ACSF3: variants seen among roughly 807,000 people sequenced by gnomAD.
The protein encoded by ACSF3 is acyl-CoA synthetase family member 3.
In ACSF3, 78 loss-of-function variants were observed where a neutral mutation model predicts 53.2. The ratio of observed to expected loss-of-function variants is 1.47; its 90% confidence interval spans 1.22 to 1.77. ACSF3 has a LOEUF of 1.77. ACSF3 is among the 40% of genes most tolerant of loss of function. The pLI is 0.00. For synonymous variants in ACSF3, 414 were observed against 333.1 expected (o/e 1.24, Z -2.65); for missense variants, 937 against 771.1 (o/e 1.22, Z -2.55).
intron 2 of ACSF3, among the ~76,000 whole-genome samples, chr16:89,099,148 G>A (rs899910712): frequency 6.6e-6 from 1 of 152,236 alleles, no homozygotes; most frequent in Non-Finnish European, 1.5e-5. Context: ...CCTTCTTCTC[G>A]CTCTGGAATG....
At position 89,102,718 on chromosome 16, in the gene ACSF3, G is replaced by T. The variant is rs746877433; in HGVS notation, c.781G>T (p.Gly261Ter). The change falls in exon 4 of 11, where the codon GGA (glycine) becomes TGA (stop). Residue 261 changes from glycine to a stop codon, truncating the protein, a stop_gained. Coordinates refer to ENST00000614302, the MANE Select transcript of ACSF3 (RefSeq NM_001243279.3). LOFTEE classifies it high-confidence loss of function. ...CGCGCTGCTCTGTCCTCTCTGGGTG[G>T]GAGCCACCTGTGTGATGATGCCTGA... ...VNALLCPLWV[G>*]ATCVMMPEFS... 75 of 1,613,136 alleles carry T rather than the reference G, an allele frequency of 4.6e-5. 1 individual carries two copies. The highest frequency in any genetic ancestry group is 6.3e-5 in the Non-Finnish European group (74 of 1,180,024).
chr16:89,131,098 G>T (rs1909182733), intron 7 of ACSF3, among the ~76,000 whole-genome samples: 3 of 141,238 alleles, frequency 2.1e-5, no homozygotes, highest in South Asian at 2.3e-4. Flanking sequence ...CCAAGTGTTT[G>T]CCCTTTCTTT....
intron 8 of ACSF3, chr16:89,141,287 C>T (rs760342666): frequency 2.3e-6 from 3 of 1,287,084 alleles, no homozygotes; most frequent in East Asian, 5.5e-5. Flanking sequence ...GTGAGGCGGG[C>T]GCTGAGTAGT....
intron 10 of ACSF3, chr16:89,149,116 A>G (rs564072820): frequency 6.6e-5 from 10 of 152,200 alleles, no homozygotes; most frequent in Admixed American, 2.6e-4. Flanking sequence ...CCAGTTCCCA[A>G]TAAGTTCCTC....
intron 4 of ACSF3, among the ~76,000 whole-genome samples, chr16:89,108,955 G>A (rs192103694): frequency 1.4e-4 from 22 of 152,172 alleles, no homozygotes; most frequent in African/African-American, 3.4e-4. Context: ...CAAACTGGCC[G>A]GGCACGGTGG....
Position 89,111,651 on chromosome 16 carries a change from A to G in ACSF3, c.823-441A>G, listed in dbSNP as rs535907115. Among the ~76,000 whole-genome samples the G allele has an allele frequency of 1.4e-4, 22 of 152,388 alleles. No homozygotes were observed. In the South Asian group the frequency reaches 3.3e-3, roughly 23 times the overall value. On this transcript the variant is annotated intron_variant, in intron 4 of 10. Transcript: ENST00000614302. The stretch of plus-strand genomic sequence containing the variant: ...AAGCAAGAAATGTTTATTATGGAGT[A>G]AAATATAAAATTCACATGACTCTTT...
chr16:89,123,172 G>A (rs999872166), intron 7 of ACSF3, among the ~76,000 whole-genome samples: 2 of 152,178 alleles, frequency 1.3e-5, no homozygotes, highest in Non-Finnish European at 2.9e-5. Context: ...CTCCACCAGG[G>A]GCCAAGACCC....
At chr16:89,139,523 C>T (rs1301738228) in intron 8 of ACSF3, among the ~76,000 whole-genome samples, 1 of 151,750 alleles carries the variant, frequency 6.6e-6, no homozygotes, top group Non-Finnish European at 1.5e-5. Flanking sequence ...ATTTTCTGGC[C>T]TTCAGATTTG....
At chr16:89,119,484 T>A (rs1306797148) in intron 6 of ACSF3, among the ~76,000 whole-genome samples, 2 of 152,194 alleles carry the variant, frequency 1.3e-5, no homozygotes, top group African/African-American at 4.8e-5. Flanking sequence ...CTGTGCAATG[T>A]GTGTGCGGAA....
At position 89,102,628 on chromosome 16, in the gene ACSF3, G is replaced by T. The variant is rs765454020; in HGVS notation, c.691G>T (p.Ala231Ser). 1 of 1,613,836 alleles carries T rather than the reference G, an allele frequency of 6.2e-7. No homozygotes were observed. Residue 231 changes from alanine to serine, a missense_variant, in exon 4 of 11, where the codon GCA (alanine) becomes TCA (serine). By Grantham distance (99) the Ala-to-Ser change is moderately conservative. Coordinates refer to ENST00000614302, the MANE Select transcript of ACSF3 (RefSeq NM_001243279.3). Reference protein sequence around the residue: ...AVVTGLVHKWAWTKDDVILHV... With the variant: ...AVVTGLVHKWSWTKDDVILHV... ...GGTGACCGGGCTGGTCCACAAGTGG[G>T]CATGGACCAAAGACGACGTGATCCT...
chr16:89,155,417 G>C lies in ACSF3; in HGVS notation c.*1210G>C. ...CATGCCTCGCGGACAGTTGGACGTG[G>C]CCTGGGGCCCCTGCTCACTTGAGCA... On this transcript the variant is annotated 3_prime_UTR_variant, in exon 11 of 11. Coordinates refer to ENST00000614302, the MANE Select transcript of ACSF3 (RefSeq NM_001243279.3). 2.2e-6 allele frequency: 1 copy of C among 454,112 alleles called. No homozygotes were observed. The highest frequency in any genetic ancestry group is 1.6e-5 in the South Asian group (1 of 64,476). 28.1% of individuals were successfully genotyped at this position (454,112 alleles called of 1,614,324 possible).
rs1167062632 is a variant in ACSF3 at position 89,154,153 on chromosome 16, C to G, written c.1677C>G (p.Asn559Lys). The change falls in exon 11 of 11, where the codon AAC becomes AAG. Residue 559 changes from asparagine to lysine, a missense_variant. Asn to Lys is a moderately conservative substitution (Grantham distance 94). Transcript: ENST00000614302. ...ELVLVEEIPR[N>K]QMGKIDKKAL... is the part of the protein sequence containing the mutation. ...TGCTGGTGGAGGAGATCCCGCGGAA[C>G]CAGATGGGCAAGATTGACAAGAAGG... The G allele has an allele frequency of 1.2e-6, 2 of 1,613,590 alleles. No individual in the cohort carries two copies. Among genetic ancestry groups the G allele is most frequent in the Admixed American group, 1.7e-5 (1 of 59,950 alleles).
In ACSF3 at chr16:89,131,105, CTTTCTT is replaced by C. The variant is rs1309197137; in HGVS notation, c.1240-2009_1240-2004del. On this transcript the variant is annotated intron_variant, in intron 7 of 10. Coordinates refer to ENST00000614302, the MANE Select transcript of ACSF3 (RefSeq NM_001243279.3). ...ATTTATTTCCAAGTGTTTGCCCTTT[CTTTCTT>C]TTTCTTTTTCTTTTTCTTTTTTTTT... is the stretch of plus-strand genomic sequence containing the variant. 8.7e-3 allele frequency among the ~76,000 whole-genome samples: 1,057 copies of C among 121,298 alleles called. 21 individuals are homozygous for C. Among genetic ancestry groups the C allele is most frequent in the East Asian group, 0.02 (80 of 4,058 alleles). 79.6% of individuals were successfully genotyped at this position (121,298 alleles called of 152,430 possible).
chr16:89,096,999 C>G (rs952495690), intron 1 of ACSF3, among the ~76,000 whole-genome samples: 1 of 150,278 alleles, frequency 6.7e-6, no homozygotes, highest in Admixed American at 6.6e-5. Flanking sequence ...TTTGCCCAGC[C>G]CAGCTGTGCA....
chr16:89,104,820 C>G (rs12446046), intron 4 of ACSF3, among the ~76,000 whole-genome samples: 106,081 of 152,206 alleles, frequency 0.7, 37,702 homozygotes, highest in Admixed American at 0.77. Context: ...CCACTGGAGG[C>G]AAGGTCTCAC....
intron 1 of ACSF3, among the ~76,000 whole-genome samples, chr16:89,094,236 G>A (rs1457638502): frequency 6.6e-6 from 1 of 152,134 alleles, no homozygotes; most frequent in African/African-American, 2.4e-5. Flanking sequence ...CTGTGCGGAC[G>A]CCGGGCCCGG....
At chr16:89,114,829 C>T (rs1904805903) in intron 6 of ACSF3, 2 of 385,400 alleles carry the variant, frequency 5.2e-6, no homozygotes, top group Non-Finnish European at 1.0e-5. Flanking sequence ...TGGCTCCAGA[C>T]CACATCAGCA....
At position 89,101,265 on chromosome 16, in the gene ACSF3, A is replaced by G. The variant is rs796051921; in HGVS notation, c.584A>G (p.Lys195Arg). ...GTCCCAGAGCAGGGATGGAGGAACAAGGGCGCCATGATCATCTACACCAGT... is the reference window on the plus strand; with the variant it reads ...GTCCCAGAGCAGGGATGGAGGAACAGGGGCGCCATGATCATCTACACCAGT... ...VPVPEQGWRN[K>R]GAMIIYTSGT... Residue 195 changes from lysine (K) to arginine (R), a missense_variant, in exon 3 of 11, where the codon AAG (lysine) becomes AGG (arginine). Lys to Arg is a conservative substitution (Grantham distance 26). Coordinates refer to ENST00000614302, the MANE Select transcript of ACSF3 (RefSeq NM_001243279.3). 3.7e-6 allele frequency: 6 copies of G among 1,601,462 alleles called. No individual in the cohort carries two copies. Among genetic ancestry groups the G allele is most frequent in the Non-Finnish European group, 5.1e-6 (6 of 1,174,526 alleles).
intron 8 of ACSF3, among the ~76,000 whole-genome samples, chr16:89,139,103 G>A (rs1597216965): frequency 6.6e-6 from 1 of 152,196 alleles, no homozygotes; most frequent in African/African-American, 2.4e-5. Context: ...AGTCCCGTAT[G>A]GCATCTGCAC....
Sources: allele counts gnomAD v4.1 joint callset (sites outside exome capture counted in the v4.1 genomes callset), GRCh38; gene constraint gnomAD v4.1.1; transcripts MANE v1.5; gene names NCBI Gene and HGNC (gene_info 2026-07-23, HGNC 2026-07-21).